The following POLN variants were observed in gnomAD, a reference collection of about 807,000 sequenced individuals.
POLN encodes DNA polymerase N.
In POLN, 108 loss-of-function variants were observed where a neutral mutation model predicts 113.5. The ratio of observed to expected loss-of-function variants is 0.95; its 90% CI spans 0.81 to 1.12. POLN has a LOEUF of 1.12. Among genes scored for constraint, POLN ranks in the 50% most tolerant of loss-of-function variants. The pLI is 0.00. For missense variants in POLN, 1,097 were observed against 1,077.1 expected (o/e 1.02, Z -0.26); for synonymous variants, 386 against 391.5 (o/e 0.99, Z 0.17).
At chr4:2,199,638 G>A (rs543543974) in intron 5 of POLN, among the ~76,000 whole-genome samples, 46 of 152,064 alleles carry the variant, frequency 3.0e-4, no homozygotes, top group Admixed American at 3.9e-4. Flanking sequence ...GTGCAGTGGC[G>A]CAATCTCAGC....
At chr4:2,158,986 T>TG (rs1169207201) in intron 14 of POLN, among the ~76,000 whole-genome samples, 169 bp downstream of exon 14, 1 of 152,120 alleles carries the variant, frequency 6.6e-6, no homozygotes, top group African/African-American at 2.4e-5. Flanking sequence ...TAAAATCACA[T>TG]GGGGTACAAG....
At chr4:2,198,820 T>A in intron 5 of POLN, 103 bp from the exon 6 acceptor site, 1 of 1,099,462 alleles carries the variant, frequency 9.1e-7, no homozygotes, top group Non-Finnish European at 1.3e-6. Flanking sequence ...GGCCTAAAAT[T>A]AAACTTGTAA....
intron 16 of POLN, among the ~76,000 whole-genome samples, chr4:2,133,344 T>C (rs553780557): frequency 4.9e-4 from 74 of 152,222 alleles, no homozygotes; most frequent in African/African-American, 1.7e-3. Flanking sequence ...GAAATCAGTA[T>C]GACAAATAAG....
chr4:2,241,974 C>G (rs1735006754), intron 1 of POLN, 77 bp downstream of exon 1: 6 of 985,574 alleles, frequency 6.1e-6, no homozygotes, highest in Non-Finnish European at 7.2e-6. Flanking sequence ...AAAGAGGCAC[C>G]TGGGTGCAGA....
At chr4:2,194,218 C>T (rs1733521851) in intron 6 of POLN, among the ~76,000 whole-genome samples, 1 of 152,186 alleles carries the variant, frequency 6.6e-6, no homozygotes, top group African/African-American at 2.4e-5. Flanking sequence ...ACCATATCTT[C>T]CTGCTGCCAG....
intron 20 of POLN, chr4:2,089,367 C>T: frequency 7.2e-7 from 1 of 1,391,286 alleles, no homozygotes; most frequent in Non-Finnish European, 9.9e-7. Context: ...CTAATTGTGA[C>T]AGGGGAAAGG....
At chr4:2,106,568 G>A (rs190371455) in intron 19 of POLN, among the ~76,000 whole-genome samples, 188 of 152,194 alleles carry the variant, frequency 1.2e-3, no homozygotes, top group African/African-American at 3.6e-3. Flanking sequence ...GTCACTGGCC[G>A]TCCCCTCTTT....
At chr4:2,085,288 A>G (rs1730519539) in intron 21 of POLN, among the ~76,000 whole-genome samples, 1 of 152,134 alleles carries the variant, frequency 6.6e-6, no homozygotes, top group Non-Finnish European at 1.5e-5. Flanking sequence ...GATTGTGGTG[A>G]TATTTGTAAA....
At chr4:2,188,266 C>T (rs1344314944) in intron 7 of POLN, among the ~76,000 whole-genome samples, 1 of 152,158 alleles carries the variant, frequency 6.6e-6, no homozygotes, top group African/African-American at 2.4e-5. Context: ...CCACCAGACC[C>T]ATCTTCCAAG....
intron 7 of POLN, among the ~76,000 whole-genome samples, chr4:2,182,442 G>T (rs1433347756): frequency 1.3e-5 from 2 of 152,176 alleles, no homozygotes; most frequent in Non-Finnish European, 2.9e-5. Context: ...ACAAGTCAAG[G>T]AGTGAAAAGG....
intron 5 of POLN, among the ~76,000 whole-genome samples, chr4:2,204,598 G>C (rs1398113588): frequency 6.6e-6 from 1 of 152,196 alleles, no homozygotes; most frequent in Non-Finnish European, 1.5e-5. Context: ...TGTGAAGTCA[G>C]TATCACCCTA....
At chr4:2,105,823 T>TGATGAG (rs67266041) in intron 19 of POLN, among the ~76,000 whole-genome samples, 2 of 151,354 alleles carry the variant, frequency 1.3e-5, no homozygotes, top group Non-Finnish European at 2.9e-5. Context: ...ATGATGATGA[T>TGATGAG]GATGATGATG....
At chr4:2,229,267 T>C in intron 2 of POLN, 24 bp from the exon 3 acceptor site, 1 of 1,530,090 alleles carries the variant, frequency 6.5e-7, no homozygotes, top group Non-Finnish European at 8.9e-7. Flanking sequence ...TAACATAAGA[T>C]AAATCCCATA....
At chr4:2,073,765 G>A (rs976579465) in intron 24 of POLN, among the ~76,000 whole-genome samples, 1 of 152,270 alleles carries the variant, frequency 6.6e-6, no homozygotes, top group African/African-American at 2.4e-5. Flanking sequence ...CCAAGCCGTG[G>A]TGGGCGCCAC....
chr4:2,085,479 G>T, intron 21 of POLN, 134 bp downstream of exon 21: 1 of 1,142,780 alleles, frequency 8.8e-7, no homozygotes, highest in Non-Finnish European at 1.2e-6. Flanking sequence ...TCCAATAAGA[G>T]CTGAGGATTC....
intron 5 of POLN, among the ~76,000 whole-genome samples, chr4:2,201,150 C>T (rs576668199): frequency 6.6e-6 from 1 of 151,336 alleles, no homozygotes; most frequent in Admixed American, 6.6e-5. Flanking sequence ...GCCTGTAGTC[C>T]TAGTTACTCA....
intron 24 of POLN, among the ~76,000 whole-genome samples, chr4:2,073,634 G>A (rs1001641185): frequency 2.0e-5 from 3 of 152,248 alleles, no homozygotes; most frequent in African/African-American, 4.8e-5. Context: ...GGGGCCAGAG[G>A]TGGGACCCGC....
chr4:2,185,138 G>A (rs1733239267), intron 7 of POLN, among the ~76,000 whole-genome samples: 1 of 152,160 alleles, frequency 6.6e-6, no homozygotes, highest in Non-Finnish European at 1.5e-5. Context: ...ATGACAAGCA[G>A]TAGCTTCTAA....
chr4:2,088,265 G>A (rs947716883), intron 20 of POLN, among the ~76,000 whole-genome samples: 4 of 152,110 alleles, frequency 2.6e-5, no homozygotes, highest in Middle Eastern at 3.4e-3. Context: ...GAATTATATC[G>A]TATTTTAAAA....
Sources: allele counts gnomAD v4.1 joint callset (sites outside exome capture counted in the v4.1 genomes callset), GRCh38; gene constraint gnomAD v4.1.1; transcripts MANE v1.5; gene names NCBI Gene and HGNC (gene_info 2026-07-23, HGNC 2026-07-21).